The following WWP2 variants were observed in gnomAD, a reference collection of about 807,000 sequenced individuals.
The protein encoded by WWP2 is NEDD4-like E3 ubiquitin-protein ligase WWP2.
WWP2 carries 57 observed loss-of-function variants against 121.0 expected under a neutral mutation model. The ratio of observed to expected loss-of-function variants is 0.47; its 90% CI spans 0.38 to 0.59. WWP2 has a LOEUF of 0.59. WWP2 is among the 20% of genes least tolerant of loss of function. The pLI is 0.00. For synonymous variants in WWP2, 449 were observed against 441.3 expected, an observed-to-expected ratio of 1.02 and a Z score of -0.22; for missense variants, 962 against 1,158.9, an observed-to-expected ratio of 0.83 and a Z score of 2.47.
At chr16:69,829,223 A>G (rs2056754334) in intron 4 of WWP2, among the ~76,000 whole-genome samples, 1 of 152,028 alleles carries the variant, frequency 6.6e-6, no homozygotes, top group South Asian at 2.1e-4. Context: ...CAAAATTTTC[A>G]TCTGCAGCCT....
At chr16:69,929,316 T>G (rs1031608469) in intron 11 of WWP2, 132 bp from the exon 12 acceptor site, 2 of 774,026 alleles carry the variant, frequency 2.6e-6, no homozygotes, top group Non-Finnish European at 4.2e-6. Context: ...TGGCTTTGGC[T>G]GGTTCTTCTC....
intron 8 of WWP2, among the ~76,000 whole-genome samples, chr16:69,898,464 C>T (rs1167377390): frequency 6.6e-6 from 1 of 152,166 alleles, no homozygotes; most frequent in Admixed American, 6.5e-5. Flanking sequence ...CATAAGCATT[C>T]CTGCTAAAAC....
chr16:69,896,824 A>G (rs913843987), intron 8 of WWP2, among the ~76,000 whole-genome samples: 1 of 151,548 alleles, frequency 6.6e-6, no homozygotes, highest in African/African-American at 2.4e-5. Context: ...GGATGATTTC[A>G]TGCAGTCTTC....
intron 7 of WWP2, among the ~76,000 whole-genome samples, chr16:69,886,715 G>A (rs1265819335): frequency 1.3e-5 from 2 of 152,158 alleles, no homozygotes; most frequent in African/African-American, 4.8e-5. Flanking sequence ...AGCCAAGATG[G>A]CGCCATTCCA....
chr16:69,934,991 C>T (rs956573231), intron 17 of WWP2, among the ~76,000 whole-genome samples: 5 of 152,036 alleles, frequency 3.3e-5, no homozygotes, highest in African/African-American at 9.7e-5. Flanking sequence ...TGGGGAGGGG[C>T]GTCCCAGCGT....
At chr16:69,768,375 G>T (rs1327871499) in intron 1 of WWP2, among the ~76,000 whole-genome samples, 1 of 152,118 alleles carries the variant, frequency 6.6e-6, no homozygotes, top group East Asian at 1.9e-4. Context: ...TTAGGAGGCC[G>T]AGGTGGGTAG....
intron 6 of WWP2, among the ~76,000 whole-genome samples, chr16:69,846,717 C>G (rs1210134516): frequency 1.4e-5 from 2 of 147,066 alleles, no homozygotes; most frequent in African/African-American, 5.1e-5. Flanking sequence ...GAGACTCTGT[C>G]TCAAGAAAAA....
At chr16:69,886,375 G>A (rs1227793073) in intron 7 of WWP2, among the ~76,000 whole-genome samples, 2 of 151,940 alleles carry the variant, frequency 1.3e-5, no homozygotes, top group African/African-American at 4.8e-5. Flanking sequence ...TAGGTATCCG[G>A]CCTAGATACT....
chr16:69,828,746 C>CTGA (rs2056746001), intron 4 of WWP2, among the ~76,000 whole-genome samples: 1 of 152,060 alleles, frequency 6.6e-6, no homozygotes. Flanking sequence ...GGTGATCCAC[C>CTGA]CGTCTTGGCA....
chr16:69,780,493 C>T (rs74990353), intron 1 of WWP2, among the ~76,000 whole-genome samples: 6,740 of 152,178 alleles, frequency 0.044, 522 homozygotes, highest in African/African-American at 0.15. Context: ...TCTGCAAATG[C>T]CTGGGAGTAG....
intron 4 of WWP2, among the ~76,000 whole-genome samples, chr16:69,817,518 G>T (rs553104672): frequency 1.3e-5 from 2 of 152,258 alleles, no homozygotes; most frequent in East Asian, 3.9e-4. Flanking sequence ...CCAAAGTGCT[G>T]GGATTACAGG....
Position 69,925,503 on chromosome 16 carries a change from T to C in WWP2, c.1234+19T>C, listed in dbSNP as rs1439461818. The stretch of plus-strand genomic sequence containing the variant: ...GGCTGGGGTAAGTACTGAGTTCTCT[T>C]CCTGGCCCTTGGCCTTCCGTCAGCC... On this transcript the variant is annotated intron_variant, in intron 11 of 23. Transcript: ENST00000359154. The surrounding 1 kb of genome is among the most constrained non-coding windows in gnomAD (Gnocchi z 4.0). 1.2e-6 allele frequency: 2 copies of C among 1,613,240 alleles called. No individual in the cohort carries two copies. The highest frequency in any genetic ancestry group is 1.3e-5 in the African/African-American group (1 of 74,980).
chr16:69,806,581 T>TC (rs994219329), intron 4 of WWP2, among the ~76,000 whole-genome samples: 7 of 152,198 alleles, frequency 4.6e-5, no homozygotes, highest in Middle Eastern at 3.4e-3. Context: ...TTTTCAGTTT[T>TC]CCCCCCCATA....
intron 10 of WWP2, 141 bp downstream of exon 10, chr16:69,918,024 ACTC>A: frequency 8.9e-7 from 1 of 1,118,104 alleles, no homozygotes. Context: ...TGGAGATTTT[ACTC>A]ATCACAGTGA....
chr16:69,876,627 G>A (rs2057740952), intron 7 of WWP2, among the ~76,000 whole-genome samples: 1 of 152,186 alleles, frequency 6.6e-6, no homozygotes, highest in South Asian at 2.1e-4. Context: ...GCCTCCCAAA[G>A]TGCTGAGATT....
At chr16:69,838,449 A>T (rs2056917406) in intron 4 of WWP2, among the ~76,000 whole-genome samples, 1 of 136,712 alleles carries the variant, frequency 7.3e-6, no homozygotes, top group Admixed American at 9.5e-5. Flanking sequence ...TTGACTTAAA[A>T]AAAAAAAAAA....
At chr16:69,834,699 T>C (rs761570637) in intron 4 of WWP2, among the ~76,000 whole-genome samples, 33 of 151,760 alleles carry the variant, frequency 2.2e-4, no homozygotes, top group Non-Finnish European at 4.1e-4. Context: ...GCTCATGTTT[T>C]GTATTTTTAG....
chr16:69,939,897 T>C lies in WWP2; in HGVS notation c.2570T>C (p.Leu857Pro). 1 of 1,614,006 alleles carries C rather than the reference T, an allele frequency of 6.2e-7. No individual in the cohort carries two copies. The highest frequency in any genetic ancestry group is 8.5e-7 in the Non-Finnish European group (1 of 1,179,942). ...AGCTACGAACAGCTGAGAGAGAAGC[T>C]GCTGTATGCCATTGAGGAGACCGAG... ...YKSYEQLREK[L>P]LYAIEETEGF... Residue 857 changes from leucine to proline, a missense_variant, in exon 24 of 24, where the codon CTG becomes CCG. Transcript: ENST00000359154.
intron 8 of WWP2, among the ~76,000 whole-genome samples, chr16:69,897,351 C>T (rs953882863): frequency 6.6e-6 from 1 of 152,012 alleles, no homozygotes; most frequent in African/African-American, 2.4e-5. Context: ...AATCTGCTCC[C>T]CTAAACTTCC....
Sources: allele counts gnomAD v4.1 joint callset (sites outside exome capture counted in the v4.1 genomes callset), GRCh38; gene constraint gnomAD v4.1.1; non-coding constraint Gnocchi (gnomAD v3.1); transcripts MANE v1.5; gene names NCBI Gene and HGNC (gene_info 2026-07-23, HGNC 2026-07-21).